Variants in CDC42SE2 observed in about 807,000 individuals in gnomAD.
The protein encoded by CDC42SE2 is CDC42 small effector 2.
In CDC42SE2, 3 loss-of-function variants were observed where a neutral mutation model predicts 11.5. The observed-to-expected ratio is 0.26, with a 90% CI of 0.12 to 0.67. CDC42SE2 has a LOEUF of 0.67. CDC42SE2 is among the 30% of genes least tolerant of loss of function. The probability of loss-of-function intolerance (pLI) is 0.80; values close to 1 mark genes in which losing one functional copy is unlikely to be tolerated. For missense variants in CDC42SE2, 82 were observed against 106.8 expected (o/e 0.77, Z 1.02); for synonymous variants, 33 against 34.8 (o/e 0.95, Z 0.18).
chr5:131,377,471 A>G (rs889277581), intron 3 of CDC42SE2, among the ~76,000 whole-genome samples: 1 of 152,004 alleles, frequency 6.6e-6, no homozygotes, highest in Non-Finnish European at 1.5e-5. Flanking sequence ...GCCTGGCCTG[A>G]CTTTTTAATA....
At chr5:131,336,060 G>T (rs1292329825) in intron 2 of CDC42SE2, among the ~76,000 whole-genome samples, 1 of 152,120 alleles carries the variant, frequency 6.6e-6, no homozygotes, top group Non-Finnish European at 1.5e-5. Flanking sequence ...TTTCTTCCTA[G>T]CCTTGATGAT....
At chr5:131,292,559 CAAAA>C (rs58166806) in intron 1 of CDC42SE2, among the ~76,000 whole-genome samples, 6 of 117,878 alleles carry the variant, frequency 5.1e-5, no homozygotes, top group African/African-American at 1.4e-4. Context: ...GACTCCATCT[CAAAA>C]AAAAAAAAAA....
At chr5:131,309,835 CTT>C (rs1348424521) in intron 1 of CDC42SE2, among the ~76,000 whole-genome samples, 3 of 152,026 alleles carry the variant, frequency 2.0e-5, no homozygotes, top group Non-Finnish European at 2.9e-5. Flanking sequence ...ATTCTTCTCT[CTT>C]TTTTTCTTTA....
At position 131,392,429 on chromosome 5, in the gene CDC42SE2, A is replaced by G. The variant is rs762300211; in HGVS notation, c.*1338A>G. The G allele has an allele frequency of 2.4e-4, 37 of 152,716 alleles. No individual in the cohort carries two copies. Among genetic ancestry groups the G allele is most frequent in the Non-Finnish European group, 4.4e-4 (30 of 68,026 alleles). The allele number at this position is 152,716 out of a possible 1,614,324, so 9.5% of individuals were successfully genotyped here. On this transcript the variant is annotated 3_prime_UTR_variant, in exon 5 of 5. Transcript: ENST00000505065. ...GCTGCCATGGGCTGATGATGCTGCTATTAGATAAAGTTTAGCTGTGGCACC... is the reference window on the plus strand; with the variant it reads ...GCTGCCATGGGCTGATGATGCTGCTGTTAGATAAAGTTTAGCTGTGGCACC...
intron 2 of CDC42SE2, among the ~76,000 whole-genome samples, chr5:131,339,809 CAA>C (rs748107559): frequency 2.2e-4 from 18 of 82,368 alleles, no homozygotes; most frequent in Non-Finnish European, 3.2e-4. Flanking sequence ...GACCCCATCT[CAA>C]AAAAAAAAAA....
intron 1 of CDC42SE2, among the ~76,000 whole-genome samples, chr5:131,315,330 C>G (rs893198151): frequency 6.6e-6 from 1 of 152,062 alleles, no homozygotes; most frequent in African/African-American, 2.4e-5. Flanking sequence ...GTTTGTTATC[C>G]CCTTATGCTA....
intron 2 of CDC42SE2, among the ~76,000 whole-genome samples, chr5:131,356,548 A>G (rs1264885647): frequency 1.3e-5 from 2 of 152,236 alleles, no homozygotes; most frequent in African/African-American, 4.8e-5. Flanking sequence ...AAATCCATGG[A>G]ATTGCAAACA....
At chr5:131,384,819 G>C (rs927980521) in intron 3 of CDC42SE2, among the ~76,000 whole-genome samples, 1 of 150,468 alleles carries the variant, frequency 6.6e-6, no homozygotes, top group Non-Finnish European at 1.5e-5. Context: ...GTAGTGGTGC[G>C]TGCCTGTAAT....
intron 2 of CDC42SE2, among the ~76,000 whole-genome samples, chr5:131,338,049 C>T (rs1040997531): frequency 5.3e-5 from 8 of 152,222 alleles, no homozygotes; most frequent in African/African-American, 9.6e-5. Flanking sequence ...GCGTCGCTCA[C>T]GCTGGGAGTT....
At chr5:131,229,354 C>T in the CDC42SE2 span, among the ~76,000 whole-genome samples, 296 of 152,124 alleles carry the variant, frequency 1.9e-3, 3 homozygotes, top group African/African-American at 6.5e-3. Flanking sequence ...CATTAATTAA[C>T]CCTATACAAT....
rs529024813 is a variant in CDC42SE2, at chr5:131,302,154, G to A, written c.-454-13822G>A. On this transcript the variant is annotated intron_variant, in intron 1 of 4. Coordinates refer to ENST00000505065, the MANE Select transcript of CDC42SE2 (RefSeq NM_001375635.1). ...CCTAAGTAGCTGGGATTACAGGCAC[G>A]CGCCACTACTGCCCGGCTAAGTTTT... Among the ~76,000 whole-genome samples the A allele has an allele frequency of 1.4e-3, 219 of 151,170 alleles. 7 individuals are homozygous for A. The South Asian group carries it at 0.044, about 30-fold the overall frequency.
At chr5:131,224,671 A>G in the CDC42SE2 span, among the ~76,000 whole-genome samples, 3 of 152,100 alleles carry the variant, frequency 2.0e-5, no homozygotes, top group East Asian at 5.8e-4. Context: ...AATGTAAGAC[A>G]GCTGCTATCA....
rs1750747751 is a variant in CDC42SE2, at chr5:131,393,770, G to GT, written c.*2680dup. ...TCCTGGAACAATAGTACGGGAAGCCGTGATCCTTTTCCCTGACTCATGATT... is the reference window on the plus strand; with the variant it reads ...TCCTGGAACAATAGTACGGGAAGCCGTTGATCCTTTTCCCTGACTCATGATT... On this transcript the variant is annotated 3_prime_UTR_variant, in exon 5 of 5. Coordinates refer to ENST00000505065, the MANE Select transcript of CDC42SE2 (RefSeq NM_001375635.1). 1.3e-5 allele frequency: 2 copies of GT among 150,850 alleles called. No homozygotes were observed. The highest frequency in any genetic ancestry group is 4.2e-4 in the South Asian group (2 of 4,772). 9.3% of individuals were successfully genotyped at this position (150,850 alleles called of 1,614,324 possible).
chr5:131,240,629 G>T (rs1756533078), upstream of CDC42SE2, among the ~76,000 whole-genome samples: 28 of 152,270 alleles, frequency 1.8e-4, no homozygotes, highest in South Asian at 5.6e-3. Flanking sequence ...ATGATTTGAT[G>T]TTGCAGCCTC....
Position 131,306,876 on chromosome 5 carries a change from A to AT in CDC42SE2, c.-454-9092dup, listed in dbSNP as rs909296328. Among the ~76,000 whole-genome samples the AT allele has an allele frequency of 1.6e-4, 24 of 151,854 alleles. No homozygotes were observed. In the South Asian group the frequency reaches 1.9e-3, roughly 12 times the overall value. On this transcript the variant is annotated intron_variant, in intron 1 of 4. Transcript: ENST00000505065. ...TATTGTGAATAGAATTGATTTCTTA[A>AT]TTTTTTTTCCAGATTATTAGTTGTT...
At chr5:131,248,285 G>A (rs1436747540) in intron 1 of CDC42SE2, among the ~76,000 whole-genome samples, 5 of 152,008 alleles carry the variant, frequency 3.3e-5, no homozygotes, top group South Asian at 4.2e-4. Context: ...GACTGCAGGC[G>A]CATGCCACCA....
At chr5:131,303,483 T>A (rs1757723746) in intron 1 of CDC42SE2, among the ~76,000 whole-genome samples, 1 of 152,246 alleles carries the variant, frequency 6.6e-6, no homozygotes, top group African/African-American at 2.4e-5. Context: ...CTTCTTGTAG[T>A]TTATCAGCTG....
the CDC42SE2 span, among the ~76,000 whole-genome samples, chr5:131,219,598 A>G: frequency 2.0e-5 from 3 of 152,206 alleles, no homozygotes; most frequent in African/African-American, 7.2e-5. Context: ...TTGGGCTGCT[A>G]TAACATCACT....
chr5:131,292,324 T>A (rs1450371370), intron 1 of CDC42SE2, among the ~76,000 whole-genome samples: 1 of 151,166 alleles, frequency 6.6e-6, no homozygotes, highest in East Asian at 1.9e-4. Flanking sequence ...TCCCAGCACT[T>A]TGGGAGGCTG....
Sources: gnomAD v4.1 joint callset for allele counts (sites outside exome capture counted in the v4.1 genomes callset) on GRCh38, gnomAD v4.1.1 for gene constraint, MANE v1.5 for transcripts, NCBI Gene and HGNC (gene_info 2026-07-23, HGNC 2026-07-21) for gene names.